The following DOCK4 variants were observed in gnomAD, a reference collection of about 807,000 sequenced individuals.
DOCK4 encodes dedicator of cytokinesis 4.
A neutral mutation model predicts 268.1 loss-of-function variants in DOCK4; 97 were observed. That is an observed-to-expected ratio of 0.36 (90% confidence interval 0.31 to 0.43). DOCK4 has a LOEUF of 0.43. Ranked by LOEUF, DOCK4 falls within the 20% of genes least tolerant of loss-of-function variation. The pLI, the probability that DOCK4 is intolerant of heterozygous loss-of-function variation, is 1.00. For missense variants in DOCK4, 2,145 were observed against 2,455.7 expected, an observed-to-expected ratio of 0.87 and a Z score of 2.67; for synonymous variants, 954 against 887.2, an observed-to-expected ratio of 1.08 and a Z score of -1.34.
intron 16 of DOCK4, among the ~76,000 whole-genome samples, chr7:111,889,951 A>T (rs1808156942): frequency 6.6e-6 from 1 of 152,180 alleles, no homozygotes; most frequent in African/African-American, 2.4e-5. Context: ...GTTCTTGACA[A>T]TCAACAGTGA....
intron 1 of DOCK4, among the ~76,000 whole-genome samples, chr7:112,062,039 C>T (rs1459718189): frequency 2.0e-5 from 3 of 152,226 alleles, no homozygotes; most frequent in South Asian, 4.1e-4. Flanking sequence ...ACAGAGATGA[C>T]GATAACCCAG....
intron 30 of DOCK4, among the ~76,000 whole-genome samples, chr7:111,803,605 T>A (rs536202025): frequency 1.3e-5 from 2 of 152,270 alleles, no homozygotes; most frequent in Non-Finnish European, 2.9e-5. Context: ...TTAGTTCATC[T>A]AAAAATAGAA....
chr7:112,000,642 G>T (rs1349051253), intron 2 of DOCK4, 108 bp from the exon 3 acceptor site: 37 of 771,408 alleles, frequency 4.8e-5, no homozygotes, highest in Non-Finnish European at 6.7e-5. Flanking sequence ...TACATGAAAA[G>T]ATTCTATGGA....
At chr7:111,835,239 T>C (rs1275328517) in intron 25 of DOCK4, among the ~76,000 whole-genome samples, 3 of 152,188 alleles carry the variant, frequency 2.0e-5, no homozygotes, top group Non-Finnish European at 4.4e-5. Context: ...TGAATTCAAA[T>C]GACCTCCTCC....
chr7:111,933,059 T>C (rs1189082811), intron 12 of DOCK4, among the ~76,000 whole-genome samples: 2 of 148,730 alleles, frequency 1.3e-5, no homozygotes, highest in African/African-American at 4.9e-5. Context: ...GAAGTGTGTA[T>C]ATATATACAT....
chr7:111,831,758 A>G (rs193048384), intron 26 of DOCK4, among the ~76,000 whole-genome samples: 2 of 152,216 alleles, frequency 1.3e-5, no homozygotes, highest in Non-Finnish European at 1.5e-5. Flanking sequence ...AAGTGCTCCC[A>G]AATTACAGGC....
chr7:112,076,906 T>C (rs1323232080), intron 1 of DOCK4, among the ~76,000 whole-genome samples: 1 of 152,132 alleles, frequency 6.6e-6, no homozygotes, highest in African/African-American at 2.4e-5. Context: ...GACAAGTATA[T>C]TTTCCAATAG....
chr7:111,978,732 A>G (rs189781838), intron 7 of DOCK4, among the ~76,000 whole-genome samples: 1 of 152,336 alleles, frequency 6.6e-6, no homozygotes, highest in East Asian at 1.9e-4. Flanking sequence ...TTCATGAAAT[A>G]CAATAAAAAT....
At chr7:111,762,556 C>CATAG (rs1260233944) in intron 39 of DOCK4, among the ~76,000 whole-genome samples, 5 of 151,872 alleles carry the variant, frequency 3.3e-5, no homozygotes, top group Non-Finnish European at 7.4e-5. Flanking sequence ...AGTATCATTG[C>CATAG]ATAGATATGC....
At chr7:111,772,886 G>A (rs1163127068) in intron 36 of DOCK4, among the ~76,000 whole-genome samples, 3 of 152,208 alleles carry the variant, frequency 2.0e-5, no homozygotes, top group Admixed American at 6.5e-5. Context: ...GCCCTTGGAA[G>A]GTCCTGGGAT....
At chr7:111,731,091 A>G (rs1795054105) in intron 52 of DOCK4, among the ~76,000 whole-genome samples, 1 of 152,202 alleles carries the variant, frequency 6.6e-6, no homozygotes, top group Non-Finnish European at 1.5e-5. Context: ...GTGACAGGCT[A>G]TGACTTCCAG....
chr7:112,011,305 C>T (rs545740779), intron 1 of DOCK4, among the ~76,000 whole-genome samples: 1 of 152,312 alleles, frequency 6.6e-6, no homozygotes, highest in African/African-American at 2.4e-5. Flanking sequence ...CCCTGCAAGC[C>T]AATCTCCATC....
At position 111,728,019 on chromosome 7, in the gene DOCK4, GGAGTCT is replaced by G; in HGVS notation, c.*249_*254del. On this transcript the variant is annotated 3_prime_UTR_variant, in exon 53 of 53. Coordinates refer to ENST00000428084, the MANE Select transcript of DOCK4 (RefSeq NM_001363540.2). ...AAAGTGAACATAAAAAGGTACAAAAGGAGTCTTTATCACTATTTACCACTTCCAAAT... is the reference window on the plus strand; with the variant it reads ...AAAGTGAACATAAAAAGGTACAAAAGTTATCACTATTTACCACTTCCAAAT... 5.2e-6 allele frequency: 2 copies of G among 383,410 alleles called. No individual in the cohort carries two copies. Among genetic ancestry groups the G allele is most frequent in the Non-Finnish European group, 4.6e-6 (1 of 217,424 alleles). The allele number at this position is 383,410 out of a possible 1,614,324, so 23.8% of individuals were successfully genotyped here.
chr7:111,749,227 C>T (rs774224211), intron 42 of DOCK4, among the ~76,000 whole-genome samples: 5 of 152,116 alleles, frequency 3.3e-5, no homozygotes, highest in Non-Finnish European at 4.4e-5. Context: ...AACACTAAAC[C>T]TTTGTTTTAT....
chr7:112,065,269 T>C (rs1806813419), intron 1 of DOCK4, among the ~76,000 whole-genome samples: 1 of 151,948 alleles, frequency 6.6e-6, no homozygotes, highest in South Asian at 2.1e-4. Context: ...CCAGCATGGC[T>C]TGGAGTGCCA....
intron 21 of DOCK4, 46 bp from the exon 22 acceptor site, chr7:111,868,200 GTATT>G (rs1423374484): frequency 7.0e-7 from 1 of 1,432,832 alleles, no homozygotes; most frequent in African/African-American, 1.4e-5. Flanking sequence ...GAGACAAAGA[GTATT>G]TATTTAGCAA....
chr7:112,173,510 G>T (rs569355238), intron 1 of DOCK4, among the ~76,000 whole-genome samples: 1 of 152,256 alleles, frequency 6.6e-6, no homozygotes, highest in Non-Finnish European at 1.5e-5. Flanking sequence ...CCAAACAGAA[G>T]TGGCTTTGAG....
chr7:112,177,101 A>T (rs1818601549), intron 1 of DOCK4, among the ~76,000 whole-genome samples: 1 of 152,210 alleles, frequency 6.6e-6, no homozygotes, highest in Admixed American at 6.5e-5. Flanking sequence ...TAGAACAAGT[A>T]GTTGGGGAGA....
chr7:112,018,179 A>AAAAAAAAAAAAAAAAAAAAAAAAAAACAC lies in DOCK4; in HGVS notation c.38-14049_38-14048insGTGTTTTTTTTTTTTTTTTTTTTTTTTTT. Among the ~76,000 whole-genome samples the AAAAAAAAAAAAAAAAAAAAAAAAAAACAC allele has an allele frequency of 9.6e-5, 7 of 72,590 alleles. 2 individuals are homozygous for AAAAAAAAAAAAAAAAAAAAAAAAAAACAC. Among genetic ancestry groups the AAAAAAAAAAAAAAAAAAAAAAAAAAACAC allele is most frequent in the African/African-American group, 2.7e-4 (5 of 18,470 alleles). 47.6% of individuals were successfully genotyped at this position (72,590 alleles called of 152,430 possible). A position where few individuals can be genotyped will look rare whatever the true frequency, so the allele number is the denominator to read the frequency against. ...AAAAAAAAAAAAAAAAAAAAAAAAA[A>AAAAAAAAAAAAAAAAAAAAAAAAAAACAC]ACACAGGCAACCAGTATTCATGTGG... On this transcript the variant is annotated intron_variant, in intron 1 of 52. Transcript: ENST00000428084.
Sources: allele counts gnomAD v4.1 joint callset (sites outside exome capture counted in the v4.1 genomes callset), GRCh38; gene constraint gnomAD v4.1.1; transcripts MANE v1.5; gene names NCBI Gene and HGNC (gene_info 2026-07-23, HGNC 2026-07-21).